The following HS3ST5 variants were observed in gnomAD, a reference collection of about 807,000 sequenced individuals.
The protein encoded by HS3ST5 is heparan sulfate-glucosamine 3-sulfotransferase 5.
Under a neutral mutation model 25.4 loss-of-function variants are expected in HS3ST5, and 10 were observed. That is an observed-to-expected ratio of 0.39 (90% CI 0.24 to 0.67). HS3ST5 has a LOEUF of 0.67. Ranked by LOEUF, HS3ST5 falls within the 30% of genes least tolerant of loss-of-function variation. The pLI is 0.44. For synonymous variants in HS3ST5, 170 were observed against 162.4 expected (o/e 1.05, Z -0.36); for missense variants, 324 against 420.7 (o/e 0.77, Z 2.01).
chr6:114,322,459 T>TA (rs1383295162), intron 1 of HS3ST5, among the ~76,000 whole-genome samples: 3 of 152,020 alleles, frequency 2.0e-5, no homozygotes, highest in Middle Eastern at 3.4e-3. Context: ...CATAACATAT[T>TA]AAAAAAAATC....
intron 3 of HS3ST5, among the ~76,000 whole-genome samples, chr6:114,117,925 C>T (rs540818855): frequency 1.1e-3 from 172 of 152,224 alleles, no homozygotes; most frequent in South Asian, 2.1e-3. Context: ...TCTATAGTGT[C>T]TCATATTCTG....
chr6:114,104,928 C>G (rs1473330232), intron 3 of HS3ST5, among the ~76,000 whole-genome samples: 1 of 151,898 alleles, frequency 6.6e-6, no homozygotes, highest in Non-Finnish European at 1.5e-5. Flanking sequence ...GGATACCAGT[C>G]ATCTTTGCGG....
At chr6:114,106,552 T>C (rs1776002716) in intron 3 of HS3ST5, among the ~76,000 whole-genome samples, 1 of 152,096 alleles carries the variant, frequency 6.6e-6, no homozygotes, top group Non-Finnish European at 1.5e-5. Context: ...ACAACTTTTA[T>C]GCAGTACATG....
At chr6:114,340,465 C>T (rs1174445178) in intron 1 of HS3ST5, 6 of 152,178 alleles carry the variant, frequency 3.9e-5, no homozygotes, top group Admixed American at 2.0e-4. Context: ...TAAATTTAAG[C>T]AACAGTTTCC....
chr6:114,320,746 G>A (rs1437259386), intron 1 of HS3ST5, among the ~76,000 whole-genome samples: 4 of 151,914 alleles, frequency 2.6e-5, no homozygotes, highest in Admixed American at 6.6e-5. Flanking sequence ...GTGTAGGGGA[G>A]TTATTAATGT....
chr6:114,172,994 G>A (rs765159710), intron 2 of HS3ST5, among the ~76,000 whole-genome samples: 3 of 152,188 alleles, frequency 2.0e-5, no homozygotes, highest in Non-Finnish European at 4.4e-5. Flanking sequence ...GAAACTAACT[G>A]TTGTGACTGG....
chr6:114,303,019 A>G (rs528624422), intron 1 of HS3ST5, among the ~76,000 whole-genome samples: 85 of 152,194 alleles, frequency 5.6e-4, no homozygotes, highest in Non-Finnish European at 9.1e-4. Context: ...TTAAACTAAG[A>G]TGGACTGAAT....
chr6:114,262,273 C>T (rs922501245), intron 1 of HS3ST5, among the ~76,000 whole-genome samples: 10 of 152,248 alleles, frequency 6.6e-5, no homozygotes, highest in East Asian at 5.8e-4. Context: ...AGCGGCTGGG[C>T]GCGGTGGCTC....
intron 2 of HS3ST5, among the ~76,000 whole-genome samples, chr6:114,186,113 C>A (rs1450202966): frequency 6.6e-6 from 1 of 151,900 alleles, no homozygotes; most frequent in East Asian, 1.9e-4. Flanking sequence ...CCCTATTCTG[C>A]GAGACACATT....
intron 3 of HS3ST5, among the ~76,000 whole-genome samples, chr6:114,149,661 T>C (rs1226691386): frequency 2.0e-5 from 3 of 152,062 alleles, no homozygotes; most frequent in Non-Finnish European, 4.4e-5. Context: ...GGTGGGTTGA[T>C]AGGTGCAGCA....
intron 3 of HS3ST5, among the ~76,000 whole-genome samples, chr6:114,100,540 C>T (rs1443185187): frequency 1.3e-5 from 2 of 152,180 alleles, no homozygotes; most frequent in Non-Finnish European, 2.9e-5. Context: ...CACTGCCCAA[C>T]TATTTCTTCC....
chr6:114,074,506 T>G (rs1014618852), intron 3 of HS3ST5, among the ~76,000 whole-genome samples: 2 of 152,166 alleles, frequency 1.3e-5, no homozygotes, highest in Middle Eastern at 3.2e-3. Context: ...CCAATAACTC[T>G]TCTAAAAAAG....
intron 3 of HS3ST5, among the ~76,000 whole-genome samples, chr6:114,137,821 C>T (rs1777702507): frequency 6.6e-6 from 1 of 152,168 alleles, no homozygotes; most frequent in Non-Finnish European, 1.5e-5. Flanking sequence ...CCTCTGGCAT[C>T]CAACGCTGTG....
intron 1 of HS3ST5, among the ~76,000 whole-genome samples, chr6:114,324,430 C>T (rs1313730252): frequency 6.6e-6 from 1 of 152,162 alleles, no homozygotes; most frequent in Non-Finnish European, 1.5e-5. Flanking sequence ...TACCATAGAA[C>T]AAAATCCTTG....
intron 3 of HS3ST5, among the ~76,000 whole-genome samples, chr6:114,164,837 C>T (rs956260028): frequency 1.8e-4 from 28 of 152,216 alleles, no homozygotes; most frequent in Middle Eastern, 3.4e-3. Context: ...AAACAGAAAG[C>T]ACCTCACAGT....
chr6:114,315,023 G>A (rs1775691784), intron 1 of HS3ST5, among the ~76,000 whole-genome samples: 1 of 152,096 alleles, frequency 6.6e-6, no homozygotes, highest in Non-Finnish European at 1.5e-5. Flanking sequence ...TTATGTTATT[G>A]TACCTCCATC....
intron 2 of HS3ST5, among the ~76,000 whole-genome samples, chr6:114,191,416 G>T (rs1443491950): frequency 6.6e-6 from 1 of 152,146 alleles, no homozygotes; most frequent in African/African-American, 2.4e-5. Flanking sequence ...CTTTATTAGA[G>T]AAATAGTTGA....
chr6:114,068,833 C>T lies in HS3ST5; in HGVS notation c.-32-5956G>A, dbSNP rs536642365. On this transcript the variant is annotated intron_variant, in intron 3 of 4. Coordinates refer to ENST00000312719, the MANE Select transcript of HS3ST5 (RefSeq NM_153612.4). ...ACAGTTTTAATCTCTCAGTGTCTTT[C>T]ATTTTGCCTGCCAATAACAGCACAA... Among the ~76,000 whole-genome samples, 10 of 152,286 alleles carry T rather than the reference C, an allele frequency of 6.6e-5. No homozygotes were observed. The East Asian group carries it at 1.7e-3, about 26-fold the overall frequency.
chr6:114,331,501 A>T (rs909523048), intron 1 of HS3ST5, among the ~76,000 whole-genome samples: 8 of 152,156 alleles, frequency 5.3e-5, no homozygotes, highest in African/African-American at 1.9e-4. Flanking sequence ...AACTTCAGGA[A>T]TCATATACAA....
Sources: gnomAD v4.1 joint callset for allele counts (sites outside exome capture counted in the v4.1 genomes callset) on GRCh38, gnomAD v4.1.1 for gene constraint, MANE v1.5 for transcripts, NCBI Gene and HGNC (gene_info 2026-07-23, HGNC 2026-07-21) for gene names.